Variants in GABRA3 observed in about 807,000 individuals in gnomAD.
GABRA3 encodes the protein gamma-aminobutyric acid type A receptor subunit alpha3.
A neutral mutation model predicts 30.1 loss-of-function variants in GABRA3; 10 were observed. That is an observed-to-expected ratio of 0.33 (90% CI 0.20 to 0.56). The LOEUF (loss-of-function observed/expected upper bound fraction) is 0.56. Among genes scored for constraint, GABRA3 ranks in the 20% least tolerant of loss-of-function variants. GABRA3 has a pLI of 0.89. For synonymous variants in GABRA3, 151 were observed against 146.8 expected (o/e 1.03, Z -0.21); for missense variants, 233 against 392.0 (o/e 0.59, Z 3.42).
intron 7 of GABRA3, among the ~76,000 whole-genome samples, chrX:152,199,378 TA>T: frequency 9.6e-6 from 1 of 103,918 alleles, no homozygotes; most frequent in Non-Finnish European, 2.0e-5. Flanking sequence ...AAAAAAAAAA[TA>T]AAAAAAGCAA....
intron 4 of GABRA3, among the ~76,000 whole-genome samples, chrX:152,277,975 C>A (rs1011399240): frequency 4.5e-5 from 5 of 111,782 alleles, no homozygotes; most frequent in African/African-American, 1.6e-4. Flanking sequence ...GAAGGCCTTG[C>A]CATTTTCCCA....
At chrX:152,250,293 A>C (rs1938530569) in intron 5 of GABRA3, among the ~76,000 whole-genome samples, 1 of 111,546 alleles carries the variant, frequency 9.0e-6, no homozygotes, top group Admixed American at 9.6e-5. Flanking sequence ...CATTAAGAGC[A>C]TGACCTGTGC....
At chrX:152,243,856 T>C (rs964034549) in intron 5 of GABRA3, among the ~76,000 whole-genome samples, 2 of 112,197 alleles carry the variant, frequency 1.8e-5, no homozygotes, top group African/African-American at 6.5e-5. Flanking sequence ...TGCCATCTCA[T>C]TGGGTTCAAA....
intron 7 of GABRA3, among the ~76,000 whole-genome samples, chrX:152,206,968 G>A (rs1462140002): frequency 9.0e-6 from 1 of 111,055 alleles, no homozygotes; most frequent in African/African-American, 3.3e-5. Flanking sequence ...AACAGGCCAT[G>A]CTCTCTCATA....
At chrX:152,261,973 G>A (rs1938738213) in intron 4 of GABRA3, among the ~76,000 whole-genome samples, 1 of 112,671 alleles carries the variant, frequency 8.9e-6, no homozygotes, top group African/African-American at 3.2e-5. Flanking sequence ...AAATCTAGGT[G>A]GAGGTTCCCA....
At chrX:152,351,873 C>G (rs192402019) in intron 2 of GABRA3, among the ~76,000 whole-genome samples, 1 of 111,169 alleles carries the variant, frequency 9.0e-6, no homozygotes, top group Non-Finnish European at 1.9e-5. Flanking sequence ...TTCAACATTA[C>G]TGTATCTCAG....
chrX:152,298,078 T>G (rs1939562482), intron 3 of GABRA3, among the ~76,000 whole-genome samples: 1 of 112,076 alleles, frequency 8.9e-6, no homozygotes, highest in Admixed American at 9.5e-5. Flanking sequence ...TATTCCTAAA[T>G]ATTACAGGGA....
chrX:152,186,357 G>A (rs4828689), intron 9 of GABRA3, among the ~76,000 whole-genome samples: 22,603 of 108,761 alleles, frequency 0.21, 1,758 homozygotes, highest in Admixed American at 0.28. Flanking sequence ...GCATGCTACC[G>A]TGCCCAGCTA....
chrX:152,311,253 G>A (rs1310431736), intron 3 of GABRA3, among the ~76,000 whole-genome samples: 1 of 110,699 alleles, frequency 9.0e-6, no homozygotes, highest in Non-Finnish European at 1.9e-5. Context: ...AAAACACAAT[G>A]CAAAAAGAAA....
At chrX:152,169,341 A>G (rs1296654281) in intron 9 of GABRA3, among the ~76,000 whole-genome samples, 3 of 112,492 alleles carry the variant, frequency 2.7e-5, no homozygotes, top group Non-Finnish European at 5.6e-5. Context: ...GAGCTATGTA[A>G]AAGACTCTCT....
At position 152,280,975 on chromosome X, in the gene GABRA3, A is replaced by G. The variant is rs775361339; in HGVS notation, c.330+3693T>C. ...GACAAATACTTGTTAATTACATACC[A>G]TGGGACCCTGGGTTCCTGCACCTCT... is the stretch of plus-strand genomic sequence containing the variant. On this transcript the variant is annotated intron_variant, in intron 4 of 9. Coordinates refer to ENST00000370314, the MANE Select transcript of GABRA3 (RefSeq NM_000808.4). Among the ~76,000 whole-genome samples, 31 of 111,275 alleles carry G rather than the reference A, an allele frequency of 2.8e-4. No homozygotes were observed. In the South Asian group the frequency reaches 8.9e-3, roughly 32 times the overall value.
At chrX:152,302,299 A>G (rs1027083216) in intron 3 of GABRA3, among the ~76,000 whole-genome samples, 1 of 111,453 alleles carries the variant, frequency 9.0e-6, no homozygotes, top group Admixed American at 9.5e-5. Context: ...TACAAAAAGC[A>G]TACTTTAAAT....
intron 6 of GABRA3, among the ~76,000 whole-genome samples, chrX:152,215,273 T>G (rs1937699136): frequency 9.1e-6 from 1 of 110,041 alleles, no homozygotes; most frequent in Admixed American, 9.7e-5. Flanking sequence ...GCCTTTTCCA[T>G]TCAGTATGAT....
chrX:152,374,391 G>A (rs1197967779), intron 1 of GABRA3, among the ~76,000 whole-genome samples: 38 of 96,512 alleles, frequency 3.9e-4, no homozygotes, highest in Non-Finnish European at 6.9e-4. Context: ...ACCCAGGCTG[G>A]AGAGGCTGGA....
At chrX:152,428,053 C>A (rs1033935794) in intron 1 of GABRA3, among the ~76,000 whole-genome samples, 3 of 112,313 alleles carry the variant, frequency 2.7e-5, no homozygotes, top group Non-Finnish European at 5.6e-5. Context: ...CTTGTACTTG[C>A]CCCTGCAATG....
intron 1 of GABRA3, among the ~76,000 whole-genome samples, chrX:152,421,895 G>T (rs1278190108): frequency 9.0e-6 from 1 of 111,433 alleles, no homozygotes; most frequent in African/African-American, 3.3e-5. Flanking sequence ...ATGTATAACA[G>T]TAGTAATTGG....
At chrX:152,290,019 G>A (rs11797582) in intron 3 of GABRA3, among the ~76,000 whole-genome samples, 25,174 of 111,124 alleles carry the variant, frequency 0.23, 2,720 homozygotes, top group African/African-American at 0.43. Flanking sequence ...TTATAATCCT[G>A]TGGGTATATA....
At chrX:152,275,208 A>T (rs957179431) in intron 4 of GABRA3, among the ~76,000 whole-genome samples, 2 of 51,011 alleles carry the variant, frequency 3.9e-5, no homozygotes, top group African/African-American at 2.6e-4. Context: ...ATTTATATAT[A>T]TAATATTATA....
chrX:152,397,101 G>C (rs895788424), intron 1 of GABRA3, among the ~76,000 whole-genome samples: 1 of 111,647 alleles, frequency 9.0e-6, no homozygotes, highest in Admixed American at 9.5e-5. Flanking sequence ...CATGGTGCAA[G>C]AGTAGGTTAC....
Sources: allele counts gnomAD v4.1 joint callset (sites outside exome capture counted in the v4.1 genomes callset), GRCh38; gene constraint gnomAD v4.1.1; transcripts MANE v1.5; gene names NCBI Gene and HGNC (gene_info 2026-07-23, HGNC 2026-07-21).